Variants in PRKCH observed in about 807,000 individuals in gnomAD.
The protein encoded by PRKCH is protein kinase C eta.
In PRKCH, 28 loss-of-function variants were observed where a neutral mutation model predicts 82.5. That is an observed-to-expected ratio of 0.34 (90% confidence interval 0.25 to 0.47). The LOEUF (loss-of-function observed/expected upper bound fraction) is 0.47. PRKCH is among the 20% of genes least tolerant of loss of function. The probability of loss-of-function intolerance (pLI) is 1.00; values close to 1 mark genes in which losing one functional copy is unlikely to be tolerated. For synonymous variants in PRKCH, 322 were observed against 327.4 expected (o/e 0.98, Z 0.18); for missense variants, 705 against 881.8 (o/e 0.80, Z 2.54).
At chr14:61,475,726 G>A (rs536250158) in intron 9 of PRKCH, among the ~76,000 whole-genome samples, 1 of 152,294 alleles carries the variant, frequency 6.6e-6, no homozygotes, top group South Asian at 2.1e-4. Context: ...AATGAAAAGA[G>A]AAGTGTATGT....
rs1343775790 is a variant in PRKCH, at chr14:61,280,171, G to A, written c.-19+92503G>A. ...GACAAAGCCGGTGAGGATGCAGAGG[G>A]AGCCGACGACCAGGTAGGCGATGCC... On this transcript the variant is annotated intron_variant, in intron 1 of 3. Coordinates refer to the PRKCH transcript ENST00000555185. This position sits in a 1 kb window ranked among gnomAD's most constrained non-coding sequence, Gnocchi z 5.0. The A allele has an allele frequency of 6.2e-7, 1 of 1,614,150 alleles. No individual in the cohort carries two copies. Among genetic ancestry groups the A allele is most frequent in the Non-Finnish European group, 8.5e-7 (1 of 1,180,014 alleles).
chr14:61,467,368 T>G (rs1267636282), intron 9 of PRKCH, among the ~76,000 whole-genome samples: 1 of 152,242 alleles, frequency 6.6e-6, no homozygotes, highest in Non-Finnish European at 1.5e-5. Flanking sequence ...TGTGGGGTCG[T>G]AGCGGGGCTG....
At chr14:61,188,605 T>G (rs76891750) in intron 1 of PRKCH, among the ~76,000 whole-genome samples, 10,144 of 54,398 alleles carry the variant, frequency 0.19, 2,206 homozygotes, top group Admixed American at 0.29. Context: ...GGTGGGGGGG[T>G]GGTGTGGTGT....
chr14:61,504,760 C>G lies in PRKCH; in HGVS notation c.1433+19104C>G, dbSNP rs925313910. Among the ~76,000 whole-genome samples the G allele has an allele frequency of 2.0e-5, 3 of 152,260 alleles. No individual in the cohort carries two copies. In the East Asian group the frequency reaches 5.8e-4, roughly 29 times the overall value. On this transcript the variant is annotated intron_variant, in intron 10 of 13. Transcript: ENST00000332981. The stretch of plus-strand genomic sequence containing the variant: ...TCACTACCTTAGTTTCAGAGACACA[C>G]TGGGGGAAATTGCCTTTCCCTTACG...
chr14:61,210,910 C>G (rs1409310823), intron 1 of PRKCH, among the ~76,000 whole-genome samples: 1 of 152,046 alleles, frequency 6.6e-6, no homozygotes, highest in Admixed American at 6.6e-5. Flanking sequence ...GGGATTAGAC[C>G]ACATGCAATT....
intron 9 of PRKCH, among the ~76,000 whole-genome samples, chr14:61,484,189 G>A (rs1192197269): frequency 6.6e-6 from 1 of 151,588 alleles, no homozygotes; most frequent in Non-Finnish European, 1.5e-5. Flanking sequence ...TGTTTCCCTT[G>A]CTCAGAGACG....
chr14:61,210,012 G>A (rs1304865307), intron 1 of PRKCH, among the ~76,000 whole-genome samples: 1 of 150,870 alleles, frequency 6.6e-6, no homozygotes, highest in East Asian at 1.9e-4. Context: ...GCCGAGGAGG[G>A]TGGATCACGA....
intron 10 of PRKCH, among the ~76,000 whole-genome samples, chr14:61,505,390 C>CTTTTTTTTTTTTT (rs1333577962): frequency 4.0e-5 from 3 of 74,750 alleles, no homozygotes; most frequent in South Asian, 5.2e-4. Context: ...CTTTTCTTTT[C>CTTTTTTTTTTTTT]TTTTCTTTTT....
At chr14:61,455,646 G>C (rs1361637366) in intron 7 of PRKCH, among the ~76,000 whole-genome samples, 2 of 152,190 alleles carry the variant, frequency 1.3e-5, no homozygotes, top group Non-Finnish European at 2.9e-5. Context: ...ATGGGAATAA[G>C]ATAAGAATAG....
intron 1 of PRKCH, among the ~76,000 whole-genome samples, chr14:61,284,026 G>A (rs946657072): frequency 6.6e-6 from 1 of 152,198 alleles, no homozygotes; most frequent in East Asian, 1.9e-4. Context: ...GTGCAGATGA[G>A]GTTGAAAAGA....
chr14:61,287,455 A>G (rs1474944353), intron 1 of PRKCH, among the ~76,000 whole-genome samples: 1 of 151,942 alleles, frequency 6.6e-6, no homozygotes, highest in Non-Finnish European at 1.5e-5. Context: ...TCACGCCTGT[A>G]ATCCCAGCGC....
Position 61,339,025 on chromosome 14 carries a change from G to A in PRKCH, c.363+16561G>A, listed in dbSNP as rs114145459. On this transcript the variant is annotated intron_variant, in intron 1 of 13. Transcript: ENST00000332981. ...GCCTGAATGATACTTACGTTAAAAG[G>A]AAGAAACTGTCTGAGAGAATTGGAA... is the stretch of plus-strand genomic sequence containing the variant. Among the ~76,000 whole-genome samples the A allele has an allele frequency of 8.0e-3, 1,213 of 152,174 alleles. 14 individuals carry two copies. Among genetic ancestry groups the A allele is most frequent in the African/African-American group, 0.028 (1,159 of 41,516 alleles).
intron 1 of PRKCH, among the ~76,000 whole-genome samples, chr14:61,261,792 T>G (rs1415272075): frequency 6.6e-6 from 1 of 152,160 alleles, no homozygotes; most frequent in African/African-American, 2.4e-5. Context: ...GGATTTGGAA[T>G]GATTCAACCC....
At chr14:61,442,274 C>T (rs535802618) in intron 2 of PRKCH, among the ~76,000 whole-genome samples, 7 of 152,240 alleles carry the variant, frequency 4.6e-5, no homozygotes, top group East Asian at 1.9e-4. Flanking sequence ...GTTTTAAAAG[C>T]GTGAGGTTAG....
At position 61,344,904 on chromosome 14, in the gene PRKCH, C is replaced by T. The variant is rs551205121; in HGVS notation, c.363+22440C>T. ...AGCCCGGTGGCCACCCTGAACCCCCCAGTTGATTGATTGAGGCTAGTCTTG... is the reference window on the plus strand; with the variant it reads ...AGCCCGGTGGCCACCCTGAACCCCCTAGTTGATTGATTGAGGCTAGTCTTG... On this transcript the variant is annotated intron_variant, in intron 1 of 13. Transcript: ENST00000332981. Among the ~76,000 whole-genome samples the T allele has an allele frequency of 3.3e-5, 5 of 152,252 alleles. No homozygotes were observed. The South Asian group carries it at 1.0e-3, about 32-fold the overall frequency.
Position 61,382,945 on chromosome 14 carries a change from T to G in PRKCH, c.364-8280T>G, listed in dbSNP as rs2046533531. ...GTGTAGGCTTTTATCCAAGCCTGTT[T>G]AGAATCATGGAACATTACAGCTAGA... On this transcript the variant is annotated intron_variant, in intron 1 of 13. Transcript: ENST00000332981. Among the ~76,000 whole-genome samples, 3 of 152,250 alleles carry G rather than the reference T, an allele frequency of 2.0e-5. No individual in the cohort carries two copies. In the South Asian group the frequency reaches 6.2e-4, roughly 31 times the overall value.
intron 12 of PRKCH, among the ~76,000 whole-genome samples, chr14:61,537,080 G>T (rs905289091): frequency 2.0e-5 from 3 of 152,054 alleles, no homozygotes; most frequent in African/African-American, 7.2e-5. Context: ...ACCAGTAATC[G>T]CACATCTAAA....
chr14:61,317,195 C>G (rs2045569085), upstream of PRKCH, among the ~76,000 whole-genome samples: 1 of 152,212 alleles, frequency 6.6e-6, no homozygotes, highest in African/African-American at 2.4e-5. Flanking sequence ...GCTATGATCT[C>G]TCTCCTCGGT....
chr14:61,375,873 T>C (rs1370976488), intron 1 of PRKCH, among the ~76,000 whole-genome samples: 2 of 151,790 alleles, frequency 1.3e-5, no homozygotes, highest in East Asian at 1.9e-4. Context: ...GTGTGGCAAA[T>C]ATTCATTAGC....
Sources: allele counts gnomAD v4.1 joint callset (sites outside exome capture counted in the v4.1 genomes callset), GRCh38; gene constraint gnomAD v4.1.1; non-coding constraint Gnocchi (gnomAD v3.1); transcripts MANE v1.5; gene names NCBI Gene and HGNC (gene_info 2026-07-23, HGNC 2026-07-21).